The following KPNA1 variants were observed in gnomAD, a reference collection of about 807,000 sequenced individuals.
KPNA1 encodes the protein importin subunit alpha-5.
In KPNA1, 10 loss-of-function variants were observed where a neutral mutation model predicts 70.5. The ratio of observed to expected loss-of-function variants is 0.14; its 90% CI spans 0.09 to 0.24. KPNA1 has a LOEUF of 0.24. Ranked by LOEUF, KPNA1 falls within the 10% of genes least tolerant of loss-of-function variation. The pLI is 1.00. For synonymous variants in KPNA1, 192 were observed against 221.9 expected (o/e 0.87, Z 1.20); for missense variants, 397 against 637.9 (o/e 0.62, Z 4.07).
chr3:122,478,718 G>C (rs2076534557), intron 2 of KPNA1, among the ~76,000 whole-genome samples: 1 of 146,522 alleles, frequency 6.8e-6, no homozygotes, highest in African/African-American at 2.5e-5. Context: ...ACACAGCGAG[G>C]CTTCATCTAA....
chr3:122,489,378 C>A (rs1298652648), intron 2 of KPNA1, among the ~76,000 whole-genome samples: 1 of 151,670 alleles, frequency 6.6e-6, no homozygotes. Flanking sequence ...AAGCCTCAAA[C>A]TCCTGGGCTC....
At chr3:122,495,726 C>CAAAAAAA (rs397876048) in intron 2 of KPNA1, among the ~76,000 whole-genome samples, 3 of 67,936 alleles carry the variant, frequency 4.4e-5, no homozygotes, top group Admixed American at 1.9e-4. Context: ...CTCTCCTTAG[C>CAAAAAAA]AAAAAAAAAA....
intron 1 of KPNA1, among the ~76,000 whole-genome samples, chr3:122,506,099 T>TC (rs2076887569): frequency 6.6e-6 from 1 of 152,166 alleles, no homozygotes; most frequent in African/African-American, 2.4e-5. Context: ...TGAGTGTAGA[T>TC]CTTTTTATAT....
At chr3:122,473,661 A>G (rs2076467299) in intron 2 of KPNA1, among the ~76,000 whole-genome samples, 1 of 152,216 alleles carries the variant, frequency 6.6e-6, no homozygotes, top group Non-Finnish European at 1.5e-5. Context: ...GCATATGAAA[A>G]AAAATCCAAC....
intron 12 of KPNA1, among the ~76,000 whole-genome samples, chr3:122,432,166 GTGAATT>G (rs2075919711): frequency 6.6e-6 from 1 of 152,250 alleles, no homozygotes; most frequent in African/African-American, 2.4e-5. Flanking sequence ...AACTATAAAT[GTGAATT>G]TGAACATAAA....
At chr3:122,509,668 A>G (rs1415567384) in intron 1 of KPNA1, among the ~76,000 whole-genome samples, 4 of 152,226 alleles carry the variant, frequency 2.6e-5, no homozygotes, top group African/African-American at 9.6e-5. Flanking sequence ...AATGTTTCAT[A>G]TATAATCAAG....
chr3:122,472,137 A>G (rs548736069), intron 2 of KPNA1, among the ~76,000 whole-genome samples: 40 of 152,348 alleles, frequency 2.6e-4, no homozygotes, highest in African/African-American at 9.4e-4. Flanking sequence ...ATAACAGAAT[A>G]CACATTTTTA....
intron 2 of KPNA1, among the ~76,000 whole-genome samples, chr3:122,482,529 A>C (rs1330126070): frequency 6.6e-6 from 1 of 152,206 alleles, no homozygotes; most frequent in Non-Finnish European, 1.5e-5. Context: ...TAAAGAAATA[A>C]AAGTCATCCA....
chr3:122,514,582 G>C, intron 1 of KPNA1, 175 bp downstream of exon 1: 1 of 152,002 alleles, frequency 6.6e-6, no homozygotes, highest in South Asian at 1.9e-4. Context: ...GTGGCCGTTA[G>C]GACAGCCGGG....
chr3:122,477,530 C>A (rs2076516662), intron 2 of KPNA1, among the ~76,000 whole-genome samples: 1 of 151,986 alleles, frequency 6.6e-6, no homozygotes, highest in African/African-American at 2.4e-5. Context: ...CAAGACCCTG[C>A]CTCTACAAAA....
intron 1 of KPNA1, among the ~76,000 whole-genome samples, chr3:122,509,414 G>A (rs1004240503): frequency 4.6e-5 from 7 of 152,238 alleles, no homozygotes; most frequent in African/African-American, 1.7e-4. Flanking sequence ...CTATAATAAT[G>A]TACAAGAGTA....
intron 12 of KPNA1, among the ~76,000 whole-genome samples, chr3:122,428,972 TCAA>T (rs1381762247): frequency 6.6e-6 from 1 of 152,026 alleles, no homozygotes; most frequent in East Asian, 1.9e-4. Context: ...ACAAAAATCC[TCAA>T]CAAAACATTA....
At chr3:122,467,196 C>T (rs2076390722) in intron 3 of KPNA1, 126 bp downstream of exon 3, 1 of 499,102 alleles carries the variant, frequency 2.0e-6, no homozygotes. Context: ...TGAGATTAAG[C>T]ATATTCTTTT....
intron 5 of KPNA1, chr3:122,457,628 G>T: frequency 1.9e-6 from 2 of 1,070,472 alleles, no homozygotes; most frequent in Non-Finnish European, 2.4e-6. Flanking sequence ...CACACTGAAG[G>T]TTTGATGTTT....
chr3:122,461,334 AT>A lies in KPNA1; in HGVS notation c.338-17del, dbSNP rs1157525170. On this transcript the variant is annotated splice_polypyrimidine_tract_variant and intron_variant, in intron 4 of 13. Coordinates refer to ENST00000344337, the MANE Select transcript of KPNA1 (RefSeq NM_002264.4). ...GGGTTAGGTTCTGTTTCCCCATAAA[AT>A]AAAAGAAAAAAAAAATCCTTTGATT... 1.3e-6 allele frequency: 2 copies of A among 1,556,276 alleles called. No homozygotes were observed. The highest frequency in any genetic ancestry group is 1.4e-5 in the African/African-American group (1 of 72,898).
chr3:122,490,255 C>CAAGGCAGCGAGGCTGTGGGCTCTGCCTT, intron 2 of KPNA1, among the ~76,000 whole-genome samples: 1 of 152,250 alleles, frequency 6.6e-6, no homozygotes, highest in African/African-American at 2.4e-5. Flanking sequence ...AGCTCTGCCT[C>CAAGGCAGCGAGGCTGTGGGCTCTGCCTT]AAGGCAGCGA....
At chr3:122,457,731 A>G in intron 5 of KPNA1, 1 of 1,288,528 alleles carries the variant, frequency 7.8e-7, no homozygotes, top group African/African-American at 1.5e-5. Context: ...CTGACCTCCT[A>G]TCAAGTTTCC....
intron 5 of KPNA1, chr3:122,460,336 A>G (rs1398243730): frequency 1.0e-6 from 1 of 984,638 alleles, no homozygotes; most frequent in East Asian, 1.1e-4. Flanking sequence ...TTCTTTTCTT[A>G]TGAAAATTAT....
chr3:122,471,391 G>T (rs1261309613), intron 2 of KPNA1, among the ~76,000 whole-genome samples: 1 of 152,082 alleles, frequency 6.6e-6, no homozygotes, highest in African/African-American at 2.4e-5. Flanking sequence ...AAATAAATCG[G>T]CATTTTGGCA....
Sources: allele counts gnomAD v4.1 joint callset (sites outside exome capture counted in the v4.1 genomes callset), GRCh38; gene constraint gnomAD v4.1.1; transcripts MANE v1.5; gene names NCBI Gene and HGNC (gene_info 2026-07-23, HGNC 2026-07-21).